P2RX5: variants seen among roughly 807,000 people sequenced by gnomAD.
P2RX5 encodes P2X purinoceptor 5.
P2RX5 carries 46 observed loss-of-function variants against 54.1 expected under a neutral mutation model. The ratio of observed to expected loss-of-function variants is 0.85; its 90% CI spans 0.67 to 1.09. The LOEUF (loss-of-function observed/expected upper bound fraction) is 1.09, where lower values mean the gene tolerates loss of function less well. Ranked by LOEUF, P2RX5 falls within the 50% of genes least tolerant of loss-of-function variation. The pLI is 0.00. For synonymous variants in P2RX5, 226 were observed against 226.4 expected, an observed-to-expected ratio of 1.00 and a Z score of 0.02; for missense variants, 566 against 549.8, an observed-to-expected ratio of 1.03 and a Z score of -0.29.
At chr17:3,718,808 C>T in the P2RX5 span, among the ~76,000 whole-genome samples, 2 of 152,204 alleles carry the variant, frequency 1.3e-5, no homozygotes, top group South Asian at 2.1e-4. Context: ...TCATTTGGTA[C>T]CATTCTCTGT....
At chr17:3,681,030 C>T (rs170230) in intron 10 of P2RX5, among the ~76,000 whole-genome samples, 2 of 143,028 alleles carry the variant, frequency 1.4e-5, no homozygotes, top group East Asian at 2.0e-4. Context: ...CTCCACCCTG[C>T]GTCCTCCACC....
the P2RX5 span, chr17:3,720,281 C>G: frequency 0.028 from 33,108 of 1,163,306 alleles, 6,477 homozygotes; most frequent in African/African-American, 0.43. Context: ...TCCTTGGGCA[C>G]TACTCAGAAG....
the P2RX5 span, among the ~76,000 whole-genome samples, chr17:3,705,791 A>G: frequency 6.6e-6 from 1 of 152,036 alleles, no homozygotes; most frequent in African/African-American, 2.4e-5. Flanking sequence ...GTATATTAAT[A>G]GAAGATTACT....
chr17:3,676,425 G>A, intron 11 of P2RX5: 3 of 978,594 alleles, frequency 3.1e-6, no homozygotes, highest in South Asian at 4.8e-5. Flanking sequence ...GGAGGACGGA[G>A]GTTGCTTTTC....
the P2RX5 span, among the ~76,000 whole-genome samples, chr17:3,707,527 T>C: frequency 0.87 from 132,389 of 152,102 alleles, 60,595 homozygotes; most frequent in East Asian, 1. Context: ...TTTTCTCTCA[T>C]TCATCCCAGC....
At chr17:3,683,663 G>C (rs1253695907) in intron 9 of P2RX5, among the ~76,000 whole-genome samples, 2 of 151,036 alleles carry the variant, frequency 1.3e-5, no homozygotes, top group Non-Finnish European at 2.9e-5. Flanking sequence ...CTGGGAGGCA[G>C]AGGCTGCAGT....
At chr17:3,716,885 AG>A in the P2RX5 span, 2 of 747,380 alleles carry the variant, frequency 2.7e-6, no homozygotes, top group South Asian at 3.2e-5. Flanking sequence ...GCAAAATACG[AG>A]GACTTGGCAA....
Position 3,680,160 on chromosome 17 carries a change from T to C in P2RX5, c.1065-376A>G, listed in dbSNP as rs1406534872. Among the ~76,000 whole-genome samples, 43 of 22,664 alleles carry C rather than the reference T, an allele frequency of 1.9e-3. 1 individual carries two copies. Among genetic ancestry groups the C allele is most frequent in the African/African-American group, 3.4e-3 (14 of 4,164 alleles). The allele number at this position is 22,664 out of a possible 152,430, so 14.9% of individuals were successfully genotyped here. On this transcript the variant is annotated intron_variant, in intron 10 of 11. Transcript: ENST00000225328. ...CCTCCACCCTGAGTCCTCCATCCGG[T>C]GTCCTCCACCCTGCATCCTCCACCC... is the stretch of plus-strand genomic sequence containing the variant.
intron 1 of P2RX5, among the ~76,000 whole-genome samples, chr17:3,695,016 G>C (rs1435902164): frequency 1.3e-5 from 2 of 152,220 alleles, no homozygotes; most frequent in Non-Finnish European, 2.9e-5. Context: ...ATGCAGCTCA[G>C]AGAACGCGGA....
intron 10 of P2RX5, among the ~76,000 whole-genome samples, chr17:3,680,651 G>A (rs1334162458): frequency 1.1e-5 from 1 of 95,070 alleles, no homozygotes; most frequent in Non-Finnish European, 2.1e-5. Flanking sequence ...CTCCATCCTG[G>A]GTCCTCCACC....
At chr17:3,684,838 T>C (rs2050391782) in intron 9 of P2RX5, among the ~76,000 whole-genome samples, 8 of 8,386 alleles carry the variant, frequency 9.5e-4, no homozygotes, top group South Asian at 0.12. Context: ...CTGCCCCCTT[T>C]TTTTTTTTTT....
chr17:3,723,226 T>C, the P2RX5 span: 1 of 1,119,712 alleles, frequency 8.9e-7, no homozygotes, highest in Non-Finnish European at 1.4e-6. Flanking sequence ...TATTATCTCT[T>C]CTAGGGGCGA....
chr17:3,720,345 G>C, the P2RX5 span: 1 of 1,592,194 alleles, frequency 6.3e-7, no homozygotes, highest in South Asian at 1.1e-5. Context: ...CCCTCATATA[G>C]AGATTTGTTG....
At chr17:3,712,375 G>C in the P2RX5 span, among the ~76,000 whole-genome samples, 3 of 152,182 alleles carry the variant, frequency 2.0e-5, no homozygotes, top group Admixed American at 1.3e-4. Flanking sequence ...CTCCATGAGA[G>C]GTGAATGGGC....
chr17:3,704,371 G>T, the P2RX5 span, among the ~76,000 whole-genome samples: 4 of 152,184 alleles, frequency 2.6e-5, no homozygotes, highest in African/African-American at 9.7e-5. Flanking sequence ...GTGGGCAGGG[G>T]TGGTACGGGA....
chr17:3,697,154 G>A (rs1458292841), upstream of P2RX5, among the ~76,000 whole-genome samples: 2 of 146,352 alleles, frequency 1.4e-5, no homozygotes, highest in African/African-American at 2.6e-5. Flanking sequence ...GTGGGGGGCA[G>A]ACGGGGTGGG....
At chr17:3,705,280 T>C in the P2RX5 span, among the ~76,000 whole-genome samples, 1 of 152,180 alleles carries the variant, frequency 6.6e-6, no homozygotes, top group Non-Finnish European at 1.5e-5. Flanking sequence ...CGAATGCCCG[T>C]GTCTTCCCAT....
chr17:3,710,391 C>T, the P2RX5 span, among the ~76,000 whole-genome samples: 2 of 151,748 alleles, frequency 1.3e-5, no homozygotes, highest in African/African-American at 4.8e-5. Context: ...CATGCTACTG[C>T]ACTCCAGCCT....
chr17:3,673,769 T>C lies in P2RX5; in HGVS notation c.*99A>G, dbSNP rs75371638. On this transcript the variant is annotated 3_prime_UTR_variant, in exon 12 of 12. Coordinates refer to ENST00000225328, the MANE Select transcript of P2RX5 (RefSeq NM_002561.4). ...GCATTGATAGCACCCAATGTACAAA[T>C]TTCCCGTTGGGCAGCATCCTGGGAT... 2 of 1,611,336 alleles carry C rather than the reference T, an allele frequency of 1.2e-6. No homozygotes were observed. Among genetic ancestry groups the C allele is most frequent in the East Asian group, 2.2e-5 (1 of 44,840 alleles).
Sources: gnomAD v4.1 joint callset for allele counts (sites outside exome capture counted in the v4.1 genomes callset) on GRCh38, gnomAD v4.1.1 for gene constraint, MANE v1.5 for transcripts, NCBI Gene and HGNC (gene_info 2026-07-23, HGNC 2026-07-21) for gene names.